TRAPPC1: variants seen among roughly 807,000 people sequenced by gnomAD.
The protein encoded by TRAPPC1 is BET5 homolog.
A neutral mutation model predicts 17.2 loss-of-function variants in TRAPPC1; 10 were observed. That is an observed-to-expected ratio of 0.58 (90% CI 0.36 to 0.99). The LOEUF (loss-of-function observed/expected upper bound fraction) is 0.99. Ranked by LOEUF, TRAPPC1 falls within the 50% of genes least tolerant of loss-of-function variation. The pLI, the probability that TRAPPC1 is intolerant of heterozygous loss-of-function variation, is 0.01. For synonymous variants in TRAPPC1, 85 were observed against 74.5 expected, an observed-to-expected ratio of 1.14 and a Z score of -0.72; for missense variants, 163 against 184.4, an observed-to-expected ratio of 0.88 and a Z score of 0.67.
Position 7,930,735 on chromosome 17 carries a change from C to A in TRAPPC1, c.310-1G>T. 6.2e-7 allele frequency: 1 copy of A among 1,613,702 alleles called. No individual in the cohort carries two copies. Among genetic ancestry groups the A allele is most frequent in the Non-Finnish European group, 8.5e-7 (1 of 1,179,728 alleles). ...TCTTCACCACCAGCTCCACATACAGCTATGGAAAGGGAAGATGTTAGAGCC... is the reference window on the plus strand; with the variant it reads ...TCTTCACCACCAGCTCCACATACAGATATGGAAAGGGAAGATGTTAGAGCC... On this transcript the variant is annotated splice_acceptor_variant, in intron 3 of 3. Coordinates refer to ENST00000303731, the MANE Select transcript of TRAPPC1 (RefSeq NM_021210.5). LOFTEE classifies it high-confidence loss of function.
In TRAPPC1 at chr17:7,931,804, A is replaced by G. The variant is rs1312757917; in HGVS notation, c.26T>C (p.Phe9Ser). ...GTGCAGACACACTCCATTCCGGTCA[A>G]ACAGGTACAGGTTGTGGACAGTCAT... is the stretch of plus-strand genomic sequence containing the variant. MTVHNLYL[F>S]DRNGVCLHYS... is the part of the protein sequence containing the mutation. Residue 9 changes from phenylalanine to serine, a missense_variant, in exon 1 of 4, where the codon TTT becomes TCT. Transcript: ENST00000303731. The G allele has an allele frequency of 1.2e-6, 2 of 1,613,998 alleles. No individual in the cohort carries two copies. The highest frequency in any genetic ancestry group is 1.7e-6 in the Non-Finnish European group (2 of 1,180,012).
At chr17:7,931,360 C>G in intron 2 of TRAPPC1, 146 bp downstream of exon 2, 8 of 1,042,844 alleles carry the variant, frequency 7.7e-6, no homozygotes, top group Non-Finnish European at 9.9e-6. Context: ...CCTGCCAGCT[C>G]CAGCACTCTC....
rs371146528 is a variant in TRAPPC1 at position 7,931,496 on chromosome 17, C to T, written c.170+10G>A. Reference sequence around the variant, plus strand: ...GCCCTCCTCCCAACATCTTCTCTGACTCCGCGTACATGTCTAGCGGGGACA... The same window carrying T: ...GCCCTCCTCCCAACATCTTCTCTGATTCCGCGTACATGTCTAGCGGGGACA... On this transcript the variant is annotated intron_variant, in intron 2 of 3. Transcript: ENST00000303731. 3.0e-5 allele frequency: 49 copies of T among 1,613,396 alleles called. No homozygotes were observed. Among genetic ancestry groups the T allele is most frequent in the Admixed American group, 1.0e-4 (6 of 60,008 alleles).
Position 7,930,460 on chromosome 17 carries a change from G to A in TRAPPC1, c.*146C>T, listed in dbSNP as rs1164486574. 1 of 964,400 alleles carries A rather than the reference G, an allele frequency of 1.0e-6. No homozygotes were observed. Among genetic ancestry groups the A allele is most frequent in the Non-Finnish European group, 1.6e-6 (1 of 639,680 alleles). The allele number at this position is 964,400 out of a possible 1,614,324, so 59.7% of individuals were successfully genotyped here. A position where few individuals can be genotyped will look rare whatever the true frequency, so the allele number is the denominator to read the frequency against. On this transcript the variant is annotated 3_prime_UTR_variant, in exon 4 of 4. Coordinates refer to ENST00000303731, the MANE Select transcript of TRAPPC1 (RefSeq NM_021210.5). Reference sequence around the variant, plus strand: ...GACTCTGTGGGCTTCACTCTGGTAGGAGGAGAGCATCAGGGCAGGCCTTTA... The same window carrying A: ...GACTCTGTGGGCTTCACTCTGGTAGAAGGAGAGCATCAGGGCAGGCCTTTA...
At chr17:7,931,174 A>C in intron 2 of TRAPPC1, 25 bp from the exon 3 acceptor site, 1 of 1,612,516 alleles carries the variant, frequency 6.2e-7, no homozygotes, top group Non-Finnish European at 8.5e-7. Flanking sequence ...AGGGTGTTAA[A>C]GAATGGGAGC....
chr17:7,931,932 G>C lies in TRAPPC1; in HGVS notation c.-103C>G. Reference sequence around the variant, plus strand: ...CCAACCAGGTGGGGACCCCACCCACGGACTCACCGGAACTGCTCCGAGTGC... The same window carrying C: ...CCAACCAGGTGGGGACCCCACCCACCGACTCACCGGAACTGCTCCGAGTGC... On this transcript the variant is annotated 5_prime_UTR_variant, in exon 1 of 4. Transcript: ENST00000303731. The C allele has an allele frequency of 6.3e-6, 6 of 953,850 alleles. No homozygotes were observed. Among genetic ancestry groups the C allele is most frequent in the Non-Finnish European group, 1.0e-5 (6 of 585,872 alleles). 59.1% of individuals were successfully genotyped at this position (953,850 alleles called of 1,614,324 possible). A position where few individuals can be genotyped will look rare whatever the true frequency, so the allele number is the denominator to read the frequency against.
Position 7,931,777 on chromosome 17 carries a change from T to A in TRAPPC1, c.53A>T (p.Tyr18Phe). 6.2e-7 allele frequency: 1 copy of A among 1,614,168 alleles called. No homozygotes were observed. The highest frequency in any genetic ancestry group is 8.5e-7 in the Non-Finnish European group (1 of 1,180,030). Reference sequence around the variant, plus strand: ...TTGCTTCTTGCGGTGCCATTCGCTGTAGTGCAGACACACTCCATTCCGGTC... The same window carrying A: ...TTGCTTCTTGCGGTGCCATTCGCTGAAGTGCAGACACACTCCATTCCGGTC... ...LFDRNGVCLHYSEWHRKKQAG... is the reference protein window; with the variant it reads ...LFDRNGVCLHFSEWHRKKQAG... Residue 18 changes from tyrosine (Y) to phenylalanine (F), a missense_variant, in exon 1 of 4, where the codon TAC (tyrosine) becomes TTC (phenylalanine). Coordinates refer to ENST00000303731, the MANE Select transcript of TRAPPC1 (RefSeq NM_021210.5).
At position 7,930,598 on chromosome 17, in the gene TRAPPC1, A is replaced by AGGTT; in HGVS notation, c.*4_*7dup. 6.2e-7 allele frequency: 1 copy of AGGTT among 1,613,988 alleles called. No individual in the cohort carries two copies. Among genetic ancestry groups the AGGTT allele is most frequent in the African/African-American group, 1.3e-5 (1 of 75,036 alleles). ...CATGAATTCTCCTGAGACTTGAGGT[A>AGGTT]GGTTGCTTCAGCCAGCCCGGGCGGA... On this transcript the variant is annotated 3_prime_UTR_variant, in exon 4 of 4. Transcript: ENST00000303731.
chr17:7,931,782 CAG>C lies in TRAPPC1; in HGVS notation c.46_47del (p.Leu16AlafsTer20). 1 of 1,614,214 alleles carries C rather than the reference CAG, an allele frequency of 6.2e-7. No homozygotes were observed. The highest frequency in any genetic ancestry group is 1.1e-5 in the South Asian group (1 of 91,092). Reference sequence around the variant, plus strand: ...TCTTGCGGTGCCATTCGCTGTAGTGCAGACACACTCCATTCCGGTCAAACAGG... The same window carrying C: ...TCTTGCGGTGCCATTCGCTGTAGTGCACACACTCCATTCCGGTCAAACAGG... ...LYLFDRNGVC[L>X]HYSEWHRKKQ... On this transcript the variant is annotated frameshift_variant, in exon 1 of 4. Transcript: ENST00000303731. LOFTEE classifies it high-confidence loss of function.
chr17:7,931,022 TGTG>T lies in TRAPPC1; in HGVS notation c.295_297del (p.His99del). 1 of 1,613,892 alleles carries T rather than the reference TGTG, an allele frequency of 6.2e-7. No homozygotes were observed. The highest frequency in any genetic ancestry group is 8.5e-7 in the Non-Finnish European group (1 of 1,179,968). ...GGGCTGGCACTGACCGCACTGTAGA[TGTG>T]GTGCAGCACATCTCGGATGGGTCCC... On this transcript the variant is annotated inframe_deletion, in exon 3 of 4. Coordinates refer to ENST00000303731, the MANE Select transcript of TRAPPC1 (RefSeq NM_021210.5).
chr17:7,930,537 C>A lies in TRAPPC1; in HGVS notation c.*69G>T. The A allele has an allele frequency of 1.2e-6, 2 of 1,607,050 alleles. No individual in the cohort carries two copies. Among genetic ancestry groups the A allele is most frequent in the Non-Finnish European group, 1.7e-6 (2 of 1,176,724 alleles). On this transcript the variant is annotated 3_prime_UTR_variant, in exon 4 of 4. Transcript: ENST00000303731. ...GGTGCGGGGGCTTACAGTGGGGGCC[C>A]TTAGTTGGCACAGGTTCGGAAGGGC...
chr17:7,930,581 C>G lies in TRAPPC1; in HGVS notation c.*25G>C. The G allele has an allele frequency of 6.2e-7, 1 of 1,613,736 alleles. No individual in the cohort carries two copies. The highest frequency in any genetic ancestry group is 8.5e-7 in the Non-Finnish European group (1 of 1,179,894). ...GAAGGGCCCCAGGCAGACATGAATT[C>G]TCCTGAGACTTGAGGTAGGTTGCTT... On this transcript the variant is annotated 3_prime_UTR_variant, in exon 4 of 4. Coordinates refer to ENST00000303731, the MANE Select transcript of TRAPPC1 (RefSeq NM_021210.5).
intron 1 of TRAPPC1, 23 bp downstream of exon 1, chr17:7,931,708 C>A (rs753025401): frequency 1.2e-6 from 2 of 1,610,012 alleles, no homozygotes; most frequent in Admixed American, 1.7e-5. Context: ...GTCGCCCGGG[C>A]TGCACCGGGG....
chr17:7,930,887 C>T (rs1375903822), intron 3 of TRAPPC1, 124 bp downstream of exon 3: 1 of 1,492,616 alleles, frequency 6.7e-7, no homozygotes, highest in Admixed American at 2.1e-5. Context: ...GAGTTAAGAA[C>T]CTAAGGGCCC....
Position 7,930,507 on chromosome 17 carries a change from G to A in TRAPPC1, c.*99C>T. On this transcript the variant is annotated 3_prime_UTR_variant, in exon 4 of 4. Transcript: ENST00000303731. ...TTTAGGCTGTTGCTCTGGGCAGGGG[G>A]TGGGGGTGCGGGGGCTTACAGTGGG... 6.7e-7 allele frequency: 1 copy of A among 1,503,092 alleles called. No homozygotes were observed. The highest frequency in any genetic ancestry group is 9.1e-7 in the Non-Finnish European group (1 of 1,093,962). The allele number at this position is 1,503,092 out of a possible 1,614,324, so 93.1% of individuals were successfully genotyped here. A position where few individuals can be genotyped will look rare whatever the true frequency, so the allele number is the denominator to read the frequency against.
chr17:7,930,795 C>G lies in TRAPPC1; in HGVS notation c.310-61G>C. 4 of 1,591,174 alleles carry G rather than the reference C, an allele frequency of 2.5e-6. No individual in the cohort carries two copies. The South Asian group carries it at 4.6e-5, about 18-fold the overall frequency. ...ATACTTCTGGTTTTTAGCCCCAAAC[C>G]TTGTATAACCTCAGGGGTGTGTGAA... On this transcript the variant is annotated intron_variant, in intron 3 of 3. Coordinates refer to ENST00000303731, the MANE Select transcript of TRAPPC1 (RefSeq NM_021210.5).
At position 7,930,703 on chromosome 17, in the gene TRAPPC1, A is replaced by G; in HGVS notation, c.341T>C (p.Leu114Pro). ...TTGCACAGTTTGGCCCAGCGGGCAC[A>G]GGGGATTCTTCACCACCAGCTCCAC... ...LYVELVVKNP[L>P]CPLGQTVQSE... Residue 114 changes from leucine to proline, a missense_variant, in exon 4 of 4, where the codon CTG becomes CCG. By Grantham distance (98) the Leu-to-Pro change is moderately conservative. Transcript: ENST00000303731. 1.2e-6 allele frequency: 2 copies of G among 1,614,194 alleles called. No individual in the cohort carries two copies. Among genetic ancestry groups the G allele is most frequent in the Non-Finnish European group, 1.7e-6 (2 of 1,180,020 alleles).
rs201594695 is a variant in TRAPPC1 at position 7,931,832 on chromosome 17, G to A, written c.-3C>T. 99 of 1,612,758 alleles carry A rather than the reference G, an allele frequency of 6.1e-5. No homozygotes were observed. Among genetic ancestry groups the A allele is most frequent in the Non-Finnish European group, 8.0e-5 (94 of 1,178,874 alleles). ...AGGTACAGGTTGTGGACAGTCATCT[G>A]CAGGGCAGGGAGTGTGAGCCTCGCT... On this transcript the variant is annotated 5_prime_UTR_variant, in exon 1 of 4. Coordinates refer to ENST00000303731, the MANE Select transcript of TRAPPC1 (RefSeq NM_021210.5).
At chr17:7,930,887 C>G in intron 3 of TRAPPC1, 124 bp downstream of exon 3, 1 of 1,492,736 alleles carries the variant, frequency 6.7e-7, no homozygotes, top group Non-Finnish European at 9.0e-7. Context: ...GAGTTAAGAA[C>G]CTAAGGGCCC....
Sources: allele counts gnomAD v4.1 joint callset, GRCh38; gene constraint gnomAD v4.1.1; transcripts MANE v1.5; gene names NCBI Gene and HGNC (gene_info 2026-07-23, HGNC 2026-07-21).